Variants in SCN8A observed in about 807,000 individuals in gnomAD.
The protein encoded by SCN8A is sodium voltage-gated channel alpha subunit 8, also known as sodium channel protein type 8 subunit alpha.
SCN8A carries 30 observed loss-of-function variants against 184.1 expected under a neutral mutation model. The ratio of observed to expected loss-of-function variants is 0.16; its 90% CI spans 0.12 to 0.22. SCN8A has a LOEUF of 0.22. Ranked by LOEUF, SCN8A falls within the 10% of genes least tolerant of loss-of-function variation. The pLI, the probability that SCN8A is intolerant of heterozygous loss-of-function variation, is 1.00. For synonymous variants in SCN8A, 852 were observed against 907.0 expected (o/e 0.94, Z 1.09); for missense variants, 1,057 against 2,498.9 (o/e 0.42, Z 12.30).
Position 51,706,587 on chromosome 12 carries a change from C to T in SCN8A, c.1507C>T (p.Leu503Phe). ...NRRKKRKQKE[L>F]SEGEEKGDPE... The stretch of plus-strand genomic sequence containing the variant: ...GAGAAAGAAGAGGAAGCAAAAGGAA[C>T]TCTCTGAAGGAGAGGAGAAAGGGGA... The change falls in exon 11 of 27, where the codon CTC (leucine) becomes TTC (phenylalanine). Residue 503 changes from leucine (L) to phenylalanine (F), a missense_variant. Coordinates refer to ENST00000627620, the MANE Select transcript of SCN8A (RefSeq NM_001330260.2). 1 of 1,608,730 alleles carries T rather than the reference C, an allele frequency of 6.2e-7. No homozygotes were observed. Among genetic ancestry groups the T allele is most frequent in the African/African-American group, 1.3e-5 (1 of 74,896 alleles).
chr12:51,702,106 G>A (rs951764421), intron 8 of SCN8A, among the ~76,000 whole-genome samples: 3 of 151,864 alleles, frequency 2.0e-5, no homozygotes, highest in South Asian at 2.1e-4. Flanking sequence ...GGCAGATCCC[G>A]AGGTCAGGAG....
At chr12:51,656,142 A>G (rs1250639612) in intron 1 of SCN8A, among the ~76,000 whole-genome samples, 1 of 152,204 alleles carries the variant, frequency 6.6e-6, no homozygotes, top group East Asian at 1.9e-4. Flanking sequence ...AACTTAGGTA[A>G]GAAAGAAAGA....
chr12:51,809,516 G>C lies in SCN8A; in HGVS notation c.*2087G>C, dbSNP rs1565936123. The C allele has an allele frequency of 6.6e-6, 1 of 152,216 alleles. No individual in the cohort carries two copies. Among genetic ancestry groups the C allele is most frequent in the East Asian group, 1.9e-4 (1 of 5,202 alleles). 9.4% of individuals were successfully genotyped at this position (152,216 alleles called of 1,614,324 possible). ...GAAACTGTCCAGCTCTCTTAAGCCT[G>C]CTTCTGCAGCAGCATCCGTAGAATT... On this transcript the variant is annotated 3_prime_UTR_variant, in exon 27 of 27. Transcript: ENST00000627620.
At chr12:51,770,271 A>C (rs962169128) in intron 18 of SCN8A, 2 of 588,546 alleles carry the variant, frequency 3.4e-6, no homozygotes, top group Admixed American at 6.3e-5. Flanking sequence ...CTGCCTCCTG[A>C]CTACCCTTTT....
chr12:51,793,815 T>C (rs1434215851), intron 25 of SCN8A, among the ~76,000 whole-genome samples: 2 of 151,928 alleles, frequency 1.3e-5, no homozygotes, highest in Non-Finnish European at 2.9e-5. Flanking sequence ...GCCACTGCAC[T>C]CCAGCCTGGG....
At chr12:51,603,527 T>G (rs1939515438) in intron 1 of SCN8A, among the ~76,000 whole-genome samples, 1 of 152,196 alleles carries the variant, frequency 6.6e-6, no homozygotes, top group African/African-American at 2.4e-5. Flanking sequence ...TGACCCTACC[T>G]TCATATTTCT....
At chr12:51,721,106 T>TATATATATATATATATATATATATAA (rs1179556945) in intron 11 of SCN8A, among the ~76,000 whole-genome samples, 43 of 106,098 alleles carry the variant, frequency 4.1e-4, no homozygotes, top group African/African-American at 1.5e-3. Context: ...TATATATATA[T>TATATATATATATATATATATATATAA]AATATTTATT....
chr12:51,668,426 C>A (rs1362427426), intron 2 of SCN8A, among the ~76,000 whole-genome samples: 2 of 152,104 alleles, frequency 1.3e-5, no homozygotes, highest in Non-Finnish European at 2.9e-5. Flanking sequence ...TGCCTCCTGA[C>A]CCTCCATTTA....
At chr12:51,777,996 AG>A (rs1281420650) in intron 20 of SCN8A, among the ~76,000 whole-genome samples, 1 of 152,236 alleles carries the variant, frequency 6.6e-6, no homozygotes, top group Admixed American at 6.5e-5. Context: ...TGGCAATAAT[AG>A]GGAAGTAGAT....
At chr12:51,646,408 C>T (rs1321331972) in intron 1 of SCN8A, among the ~76,000 whole-genome samples, 4 of 152,212 alleles carry the variant, frequency 2.6e-5, no homozygotes, top group African/African-American at 9.6e-5. Context: ...TCTAGTAAAA[C>T]TTGACTTACA....
intron 2 of SCN8A, among the ~76,000 whole-genome samples, chr12:51,669,804 G>A (rs117761163): frequency 2.0e-5 from 3 of 152,198 alleles, no homozygotes; most frequent in Admixed American, 6.5e-5. Context: ...ACATACACAC[G>A]CAGCCCTATA....
At chr12:51,607,880 A>G (rs928353338) in intron 1 of SCN8A, among the ~76,000 whole-genome samples, 9 of 152,128 alleles carry the variant, frequency 5.9e-5, no homozygotes, top group Middle Eastern at 3.4e-3. Context: ...ATATCTGTCT[A>G]TAGTTTTCTT....
intron 12 of SCN8A, among the ~76,000 whole-genome samples, chr12:51,725,786 T>G (rs1042791945): frequency 6.6e-6 from 1 of 152,262 alleles, no homozygotes; most frequent in African/African-American, 2.4e-5. Flanking sequence ...AATTGCTTAA[T>G]ATCTCTTAAA....
chr12:51,647,104 G>A (rs1940607974), intron 1 of SCN8A, among the ~76,000 whole-genome samples: 1 of 152,160 alleles, frequency 6.6e-6, no homozygotes, highest in African/African-American at 2.4e-5. Flanking sequence ...GGCCACTTGG[G>A]AGGCTGAGGC....
At chr12:51,731,962 G>A (rs765694307) in intron 12 of SCN8A, among the ~76,000 whole-genome samples, 2 of 152,090 alleles carry the variant, frequency 1.3e-5, no homozygotes, top group Non-Finnish European at 2.9e-5. Context: ...TATATATTCT[G>A]GTTACTAATC....
intron 12 of SCN8A, chr12:51,722,132 G>A (rs1721791224): frequency 1.5e-6 from 1 of 649,052 alleles, no homozygotes; most frequent in Non-Finnish European, 2.6e-6. Context: ...TACTCACCCT[G>A]TCTTCTCCTT....
At position 51,721,842 on chromosome 12, in the gene SCN8A, C is replaced by T. The variant is rs1942071584; in HGVS notation, c.1932C>T (p.Asp644=). 1.9e-6 allele frequency: 3 copies of T among 1,604,764 alleles called. No homozygotes were observed. The highest frequency in any genetic ancestry group is 2.5e-6 in the Non-Finnish European group (3 of 1,179,784). The change falls in exon 12 of 27, where the codon GAC becomes GAT. Residue 644 remains aspartate (D), a synonymous_variant. Transcript: ENST00000627620. ...RRSVKRNSTV[D]CNGVVSLIGG... Reference sequence around the variant, plus strand: ...GCGTGAAGCGCAACAGCACGGTGGACTGCAACGGCGTGGTGTCCCTCATCG... The same window carrying T: ...GCGTGAAGCGCAACAGCACGGTGGATTGCAACGGCGTGGTGTCCCTCATCG...
intron 12 of SCN8A, among the ~76,000 whole-genome samples, chr12:51,737,337 G>A (rs566976110): frequency 6.6e-6 from 1 of 152,296 alleles, no homozygotes; most frequent in Non-Finnish European, 1.5e-5. Flanking sequence ...GAAAAAATTA[G>A]CAAATCTAGG....
intron 1 of SCN8A, among the ~76,000 whole-genome samples, chr12:51,594,116 G>T (rs561606184): frequency 6.6e-6 from 1 of 152,208 alleles, no homozygotes; most frequent in East Asian, 1.9e-4. Context: ...TAGGAAGGAG[G>T]CCATAAAATT....
Sources: allele counts gnomAD v4.1 joint callset (sites outside exome capture counted in the v4.1 genomes callset), GRCh38; gene constraint gnomAD v4.1.1; transcripts MANE v1.5; gene names NCBI Gene and HGNC (gene_info 2026-07-23, HGNC 2026-07-21).